Variants in GLB1 observed in about 807,000 individuals in gnomAD.
GLB1 encodes the protein beta-galactosidase.
GLB1 carries 56 observed loss-of-function variants against 74.0 expected under a neutral mutation model. The observed-to-expected ratio is 0.76, with a 90% CI of 0.61 to 0.94. GLB1 has a LOEUF of 0.94. GLB1 is among the 40% of genes least tolerant of loss of function. The pLI, the probability that GLB1 is intolerant of heterozygous loss-of-function variation, is 0.00. For synonymous variants in GLB1, 323 were observed against 323.6 expected (o/e 1.00, Z 0.02); for missense variants, 787 against 845.5 (o/e 0.93, Z 0.86).
chr3:32,961,982 G>A, the GLB1 span, among the ~76,000 whole-genome samples: 2 of 152,160 alleles, frequency 1.3e-5, no homozygotes, highest in Non-Finnish European at 2.9e-5. Flanking sequence ...GATCACTGGA[G>A]GTCAGGGGTT....
chr3:33,023,483 G>C (rs1697591204), intron 11 of GLB1, among the ~76,000 whole-genome samples: 1 of 152,028 alleles, frequency 6.6e-6, no homozygotes, highest in African/African-American at 2.4e-5. Flanking sequence ...AATCATGTTT[G>C]GCATTTTGCT....
intron 14 of GLB1, 137 bp downstream of exon 14, chr3:33,016,572 G>C: frequency 6.7e-7 from 1 of 1,483,134 alleles, no homozygotes; most frequent in Non-Finnish European, 9.2e-7. Flanking sequence ...GGCTGGTCTT[G>C]AACTCCTGGC....
At chr3:33,030,891 CCT>C in intron 10 of GLB1, 6 of 894,254 alleles carry the variant, frequency 6.7e-6, no homozygotes, top group Non-Finnish European at 8.0e-6. Context: ...CACCACTGCC[CCT>C]CTCAGGAATC....
chr3:33,051,689 C>T (rs901763718), intron 9 of GLB1, 69 bp downstream of exon 9: 6 of 1,608,138 alleles, frequency 3.7e-6, no homozygotes, highest in Non-Finnish European at 5.1e-6. Flanking sequence ...TCTGTGGGCA[C>T]ACCCCTCCTC....
intron 1 of GLB1, among the ~76,000 whole-genome samples, chr3:33,089,138 T>C (rs1488396418): frequency 6.6e-6 from 1 of 152,206 alleles, no homozygotes; most frequent in African/African-American, 2.4e-5. Context: ...TAATTCAATA[T>C]GGGTTAAAGA....
intron 5 of GLB1, among the ~76,000 whole-genome samples, chr3:33,062,658 C>T (rs575119574): frequency 9.2e-5 from 14 of 152,208 alleles, no homozygotes; most frequent in Admixed American, 3.3e-4. Flanking sequence ...CGTGGTTGCC[C>T]GCACCTGTAG....
In GLB1 at chr3:33,021,426, A is replaced by G. The variant is rs563028915; in HGVS notation, c.1233+140T>C. 2.1e-4 allele frequency: 194 copies of G among 938,560 alleles called. No homozygotes were observed. In the South Asian group the frequency reaches 2.6e-3, roughly 13 times the overall value. 58.1% of individuals were successfully genotyped at this position (938,560 alleles called of 1,614,324 possible). Reference sequence around the variant, plus strand: ...ACTTCAAGCTAAAGAGAGCCTGGAAATTCATGGTTCATTTACCTGGGATCT... The same window carrying G: ...ACTTCAAGCTAAAGAGAGCCTGGAAGTTCATGGTTCATTTACCTGGGATCT... On this transcript the variant is annotated intron_variant, in intron 12 of 15. Coordinates refer to ENST00000307363, the MANE Select transcript of GLB1 (RefSeq NM_000404.4).
intron 15 of GLB1, among the ~76,000 whole-genome samples, chr3:32,998,336 C>T (rs928761539): frequency 2.6e-5 from 4 of 152,104 alleles, no homozygotes; most frequent in African/African-American, 7.2e-5. Context: ...GGTGAAACCC[C>T]GTCTCTACTA....
chr3:33,027,196 A>T (rs1697802101), intron 10 of GLB1, among the ~76,000 whole-genome samples: 1 of 152,220 alleles, frequency 6.6e-6, no homozygotes, highest in Admixed American at 6.5e-5. Context: ...CAGCCAGAGA[A>T]GCTGTCTGCA....
chr3:32,967,570 T>G, the GLB1 span, among the ~76,000 whole-genome samples: 1 of 152,182 alleles, frequency 6.6e-6, no homozygotes, highest in Non-Finnish European at 1.5e-5. Context: ...AACTTAACCC[T>G]TTGATGGGGC....
intron 1 of GLB1, among the ~76,000 whole-genome samples, chr3:33,094,714 A>T (rs1160757245): frequency 6.6e-6 from 1 of 152,172 alleles, no homozygotes. Flanking sequence ...GCTATGTGAC[A>T]TGTGATATGG....
At chr3:33,034,659 C>T (rs1698195900) in intron 10 of GLB1, 1 of 731,430 alleles carries the variant, frequency 1.4e-6, no homozygotes, top group Non-Finnish European at 2.6e-6. Flanking sequence ...AGGTCCATCA[C>T]AGCCAACATA....
the GLB1 span, among the ~76,000 whole-genome samples, chr3:32,984,942 A>C: frequency 8.6e-6 from 1 of 116,554 alleles, no homozygotes; most frequent in Non-Finnish European, 1.8e-5. Context: ...ACTCTGTCTC[A>C]AAAAAAAAAA....
intron 10 of GLB1, chr3:33,030,669 C>G (rs1697966728): frequency 1.0e-6 from 1 of 985,302 alleles, no homozygotes; most frequent in Non-Finnish European, 1.2e-6. Context: ...GTTCTCCCAT[C>G]CCCTCTTCAC....
the GLB1 span, among the ~76,000 whole-genome samples, chr3:32,968,938 C>T: frequency 6.6e-6 from 1 of 152,202 alleles, no homozygotes; most frequent in African/African-American, 2.4e-5. Context: ...CTGCCACTGC[C>T]CTACTGGCAT....
At chr3:33,051,603 CAAAAAA>C (rs59740209) in intron 9 of GLB1, among the ~76,000 whole-genome samples, 149 bp downstream of exon 9, 5 of 75,470 alleles carry the variant, frequency 6.6e-5, no homozygotes, top group South Asian at 5.0e-4. Flanking sequence ...AGACTGTCTA[CAAAAAA>C]AAAAAAAAAA....
chr3:33,011,569 C>T (rs943961944), intron 15 of GLB1, among the ~76,000 whole-genome samples: 14 of 144,612 alleles, frequency 9.7e-5, no homozygotes, highest in African/African-American at 3.1e-4. Flanking sequence ...TGCTTGAGCC[C>T]GGGAGGCAGA....
the GLB1 span, among the ~76,000 whole-genome samples, chr3:32,986,407 AC>A: frequency 1.3e-5 from 2 of 152,208 alleles, no homozygotes; most frequent in African/African-American, 4.8e-5. Context: ...ATTGACTAAC[AC>A]AGAAATATTG....
chr3:32,972,995 G>C, the GLB1 span, among the ~76,000 whole-genome samples: 1 of 152,206 alleles, frequency 6.6e-6, no homozygotes, highest in Admixed American at 6.5e-5. Flanking sequence ...TCCTTGAAAA[G>C]TAAGAAATGA....
Sources: gnomAD v4.1 joint callset for allele counts (sites outside exome capture counted in the v4.1 genomes callset) on GRCh38, gnomAD v4.1.1 for gene constraint, MANE v1.5 for transcripts, NCBI Gene and HGNC (gene_info 2026-07-23, HGNC 2026-07-21) for gene names.